GGPS1: variants seen among roughly 807,000 people sequenced by gnomAD.
GGPS1 encodes geranylgeranyl pyrophosphate synthase.
GGPS1 carries 15 observed loss-of-function variants against 28.1 expected under a neutral mutation model. The ratio of observed to expected loss-of-function variants is 0.53; its 90% confidence interval spans 0.36 to 0.82. The LOEUF (loss-of-function observed/expected upper bound fraction) is 0.82. GGPS1 is among the 40% of genes least tolerant of loss of function. The pLI, the probability that GGPS1 is intolerant of heterozygous loss-of-function variation, is 0.01. For missense variants in GGPS1, 284 were observed against 348.3 expected (o/e 0.82, Z 1.47); for synonymous variants, 138 against 122.4 (o/e 1.13, Z -0.84).
At chr1:235,338,544 T>C (rs1364202494) in intron 2 of GGPS1, among the ~76,000 whole-genome samples, 1 of 152,152 alleles carries the variant, frequency 6.6e-6, no homozygotes, top group Non-Finnish European at 1.5e-5. Context: ...AATTTCACAT[T>C]GAGACTCTGT....
upstream of GGPS1, chr1:235,327,727 A>T (rs1252535997): frequency 6.6e-6 from 1 of 152,026 alleles, no homozygotes; most frequent in Non-Finnish European, 1.5e-5. Context: ...TCCCAAAAGA[A>T]CCCCCTTAGG....
At chr1:235,333,067 CAAAAAAA>C (rs5781828) in intron 1 of GGPS1, among the ~76,000 whole-genome samples, 1 of 43,318 alleles carries the variant, frequency 2.3e-5, no homozygotes, top group African/African-American at 1.2e-4. Flanking sequence ...GACTCCGTCT[CAAAAAAA>C]AAAAAAAAAA....
intron 1 of GGPS1, chr1:235,330,051 CTT>C (rs1424767524): frequency 6.6e-6 from 1 of 152,146 alleles, no homozygotes; most frequent in Non-Finnish European, 1.5e-5. Context: ...ACTAATGCCT[CTT>C]TACATTTAAC....
At chr1:235,341,952 A>C (rs1000777808) in intron 3 of GGPS1, 59 bp from the exon 4 acceptor site, 1 of 1,115,882 alleles carries the variant, frequency 9.0e-7, no homozygotes, top group African/African-American at 1.6e-5. Context: ...TAATCTGTTA[A>C]TTAAACTGAG....
At chr1:235,341,584 T>A in intron 2 of GGPS1, 124 bp from the exon 3 acceptor site, 1 of 700,554 alleles carries the variant, frequency 1.4e-6, no homozygotes. Flanking sequence ...AGGTAATGGA[T>A]TGATGAGGCT....
At position 235,342,005 on chromosome 1, in the gene GGPS1, T is replaced by TA; in HGVS notation, c.142-5dup. Reference sequence around the variant, plus strand: ...AAATAAGTGAAATTTTCAATTTTTTTATTAGATTATTATTGAAGTGACAGA... The same window carrying TA: ...AAATAAGTGAAATTTTCAATTTTTTTAATTAGATTATTATTGAAGTGACAGA... On this transcript the variant is annotated splice_polypyrimidine_tract_variant and splice_region_variant and intron_variant, in intron 3 of 3. Transcript: ENST00000282841. 6.6e-7 allele frequency: 1 copy of TA among 1,510,292 alleles called. No homozygotes were observed. The highest frequency in any genetic ancestry group is 1.2e-5 in the South Asian group (1 of 80,806). 93.6% of individuals were successfully genotyped at this position (1,510,292 alleles called of 1,614,324 possible).
rs974416135 is a variant in GGPS1 at position 235,328,580 on chromosome 1, G to A, written c.-222G>A. ...CAACGACGCCTGCGCAGTGTGACCG[G>A]GATGGCGCATTTTCTTGCACCAACT... is the stretch of plus-strand genomic sequence containing the variant. On this transcript the variant is annotated 5_prime_UTR_variant, in exon 1 of 4. Coordinates refer to ENST00000282841, the MANE Select transcript of GGPS1 (RefSeq NM_004837.4). 1 of 152,914 alleles carries A rather than the reference G, an allele frequency of 6.5e-6. No individual in the cohort carries two copies. Among genetic ancestry groups the A allele is most frequent in the Non-Finnish European group, 1.5e-5 (1 of 68,202 alleles). The allele number at this position is 152,914 out of a possible 1,614,324, so 9.5% of individuals were successfully genotyped here.
rs1675832440 is a variant in GGPS1, at chr1:235,335,344, C to G, written c.70+10C>G. 1.6e-6 allele frequency: 2 copies of G among 1,288,226 alleles called. No individual in the cohort carries two copies. Among genetic ancestry groups the G allele is most frequent in the Non-Finnish European group, 1.1e-6 (1 of 887,664 alleles). 79.8% of individuals were successfully genotyped at this position (1,288,226 alleles called of 1,614,324 possible). A position where few individuals can be genotyped will look rare whatever the true frequency, so the allele number is the denominator to read the frequency against. ...TTACTTCAGTTACCAGGTAATACTT[C>G]ACTTACAGTCCATATAGGGTCATTT... On this transcript the variant is annotated intron_variant, in intron 2 of 3. Transcript: ENST00000282841.
chr1:235,334,277 A>C (rs1675803901), intron 1 of GGPS1, among the ~76,000 whole-genome samples: 3 of 152,218 alleles, frequency 2.0e-5, no homozygotes. Context: ...TTAAATACAG[A>C]GGTATCTTTC....
intron 1 of GGPS1, among the ~76,000 whole-genome samples, chr1:235,334,531 A>C (rs1021075260): frequency 2.0e-5 from 3 of 152,220 alleles, no homozygotes; most frequent in African/African-American, 7.2e-5. Flanking sequence ...TGCAACCATC[A>C]CAATTTAATT....
chr1:235,331,049 T>C (rs1270943223), intron 1 of GGPS1, among the ~76,000 whole-genome samples: 3 of 152,262 alleles, frequency 2.0e-5, no homozygotes, highest in Admixed American at 2.0e-4. Flanking sequence ...GATCAAATAG[T>C]ATAGGTAATA....
Position 235,344,253 on chromosome 1 carries a change from A to G in GGPS1, c.*1481A>G, listed in dbSNP as rs1676140125. ...AGAAACATGTTTTGCTTGGTTCTAT[A>G]GTATGTTACTTAGGATCTATTTACC... On this transcript the variant is annotated 3_prime_UTR_variant, in exon 4 of 4. Transcript: ENST00000282841. The G allele has an allele frequency of 6.0e-6, 1 of 166,858 alleles. No homozygotes were observed. 10.3% of individuals were successfully genotyped at this position (166,858 alleles called of 1,614,324 possible). A position where few individuals can be genotyped will look rare whatever the true frequency, so the allele number is the denominator to read the frequency against.
chr1:235,339,404 G>T (rs900533965), intron 2 of GGPS1, among the ~76,000 whole-genome samples: 8 of 152,036 alleles, frequency 5.3e-5, no homozygotes, highest in Admixed American at 1.3e-4. Flanking sequence ...GGAGGCGAAG[G>T]TTGTGGTGAG....
intron 2 of GGPS1, among the ~76,000 whole-genome samples, chr1:235,339,837 A>G (rs1675978018): frequency 6.6e-6 from 1 of 152,146 alleles, no homozygotes; most frequent in African/African-American, 2.4e-5. Flanking sequence ...ATCTAAAATT[A>G]GGATGTTATT....
In GGPS1 at chr1:235,344,353, C is replaced by G. The variant is rs899145452; in HGVS notation, c.*1581C>G. 44 of 166,930 alleles carry G rather than the reference C, an allele frequency of 2.6e-4. 1 individual carries two copies. The highest frequency in any genetic ancestry group is 5.9e-5 in the Non-Finnish European group (4 of 68,080). 10.3% of individuals were successfully genotyped at this position (166,930 alleles called of 1,614,324 possible). A position where few individuals can be genotyped will look rare whatever the true frequency, so the allele number is the denominator to read the frequency against. The stretch of plus-strand genomic sequence containing the variant: ...AAAAGTTGGGTGCTGTCTTTAGTAA[C>G]TTTTAAAATAGTTTAAATCTCCCAT... On this transcript the variant is annotated 3_prime_UTR_variant, in exon 4 of 4. Transcript: ENST00000282841.
chr1:235,343,557 A>C lies in GGPS1; in HGVS notation c.*785A>C, dbSNP rs1006596851. The C allele has an allele frequency of 6.0e-6, 1 of 166,792 alleles. No homozygotes were observed. The highest frequency in any genetic ancestry group is 2.4e-5 in the African/African-American group (1 of 41,402). 10.3% of individuals were successfully genotyped at this position (166,792 alleles called of 1,614,324 possible). ...CAGAGCGAGACTCCGTCTCAAAAAA[A>C]AGGGCTGATAATGATAAACAGTGAG... On this transcript the variant is annotated 3_prime_UTR_variant, in exon 4 of 4. Transcript: ENST00000282841.
Position 235,343,588 on chromosome 1 carries a change from C to T in GGPS1, c.*816C>T, listed in dbSNP as rs183731563. ...TGATAATGATAAACAGTGAGCACTC[C>T]GGTCCTTTTTCTTAGGTTTTCCTTT... On this transcript the variant is annotated 3_prime_UTR_variant, in exon 4 of 4. Transcript: ENST00000282841. 1.4e-3 allele frequency: 228 copies of T among 167,098 alleles called. 1 individual carries two copies. Among genetic ancestry groups the T allele is most frequent in the Non-Finnish European group, 1.3e-3 (86 of 68,100 alleles). 10.4% of individuals were successfully genotyped at this position (167,098 alleles called of 1,614,324 possible). A position where few individuals can be genotyped will look rare whatever the true frequency, so the allele number is the denominator to read the frequency against.
Position 235,342,211 on chromosome 1 carries a change from T to G in GGPS1, c.342T>G (p.Leu114=). 1 of 1,613,974 alleles carries G rather than the reference T, an allele frequency of 6.2e-7. No individual in the cohort carries two copies. Among genetic ancestry groups the G allele is most frequent in the South Asian group, 1.1e-5 (1 of 91,056 alleles). Residue 114 remains leucine, a synonymous_variant, in exon 4 of 4, where the codon CTT becomes CTG. Transcript: ENST00000282841. Reference sequence around the variant, plus strand: ...TTGATCACCCAGATGCAGTGAAGCTTTTTACCCGCCAGCTTTTGGAACTCC... The same window carrying G: ...TTGATCACCCAGATGCAGTGAAGCTGTTTACCCGCCAGCTTTTGGAACTCC... ...LTLDHPDAVK[L]FTRQLLELHQ...
intron 1 of GGPS1, chr1:235,330,047 G>A (rs1675655029): frequency 6.6e-6 from 1 of 152,162 alleles, no homozygotes; most frequent in African/African-American, 2.4e-5. Flanking sequence ...ACACACTAAT[G>A]CCTCTTTACA....
Sources: allele counts gnomAD v4.1 joint callset (sites outside exome capture counted in the v4.1 genomes callset), GRCh38; gene constraint gnomAD v4.1.1; transcripts MANE v1.5; gene names NCBI Gene and HGNC (gene_info 2026-07-23, HGNC 2026-07-21).